Variants in RPN2 observed in about 807,000 individuals in gnomAD.
RPN2 encodes ribophorin II.
A neutral mutation model predicts 71.4 loss-of-function variants in RPN2; 29 were observed. The ratio of observed to expected loss-of-function variants is 0.41; its 90% CI spans 0.30 to 0.55. The LOEUF is 0.55. Ranked by LOEUF, RPN2 falls within the 20% of genes least tolerant of loss-of-function variation. The probability of loss-of-function intolerance (pLI) is 0.35; values close to 1 mark genes in which losing one functional copy is unlikely to be tolerated. For missense variants in RPN2, 726 were observed against 774.1 expected, an observed-to-expected ratio of 0.94 and a Z score of 0.74; for synonymous variants, 308 against 305.0, an observed-to-expected ratio of 1.01 and a Z score of -0.10.
chr20:37,204,793 C>G lies in RPN2; in HGVS notation c.582C>G (p.Leu194=), dbSNP rs368565035. ...ACCTTGTTGCTCGCCTGGATGAACT[C>G]GGGGGCGTGTATCTCCAGTTTGAAG... ...IEDLVARLDE[L]GGVYLQFEEG... The change falls in exon 6 of 17, where the codon CTC becomes CTG. Residue 194 remains leucine, a synonymous_variant. Transcript: ENST00000237530. 6.2e-7 allele frequency: 1 copy of G among 1,614,068 alleles called. No individual in the cohort carries two copies. The highest frequency in any genetic ancestry group is 8.5e-7 in the Non-Finnish European group (1 of 1,180,012).
intron 16 of RPN2, chr20:37,238,320 T>G: frequency 9.5e-7 from 1 of 1,049,226 alleles, no homozygotes; most frequent in Non-Finnish European, 1.5e-6. Flanking sequence ...AAGCTCTGGT[T>G]GGGTGTTTGT....
At chr20:37,190,820 A>C (rs1048939609) in intron 2 of RPN2, among the ~76,000 whole-genome samples, 5 of 152,042 alleles carry the variant, frequency 3.3e-5, no homozygotes, top group African/African-American at 1.2e-4. Context: ...TGTGTTGATT[A>C]GGTGGTGTGT....
At chr20:37,212,877 A>G (rs1002517399) in intron 8 of RPN2, among the ~76,000 whole-genome samples, 12 of 152,218 alleles carry the variant, frequency 7.9e-5, no homozygotes, top group African/African-American at 2.7e-4. Flanking sequence ...AAGGATACAT[A>G]GGCAATATGT....
chr20:37,190,382 G>A (rs943709018), intron 2 of RPN2, among the ~76,000 whole-genome samples: 2 of 152,278 alleles, frequency 1.3e-5, no homozygotes, highest in Non-Finnish European at 2.9e-5. Context: ...CAATACAGAC[G>A]CTGAAGTCAG....
chr20:37,215,740 G>T (rs1048748711), intron 9 of RPN2, among the ~76,000 whole-genome samples: 1 of 151,832 alleles, frequency 6.6e-6, no homozygotes, highest in Admixed American at 6.6e-5. Context: ...CTCCATATTC[G>T]TACCAATATT....
intron 16 of RPN2, among the ~76,000 whole-genome samples, chr20:37,238,198 C>G (rs935258247): frequency 1.3e-5 from 2 of 152,174 alleles, no homozygotes; most frequent in East Asian, 3.9e-4. Context: ...AGTAACTCCT[C>G]CCTCTCCCCT....
At chr20:37,218,505 C>T (rs553849159) in intron 9 of RPN2, among the ~76,000 whole-genome samples, 11 of 151,098 alleles carry the variant, frequency 7.3e-5, no homozygotes, top group East Asian at 3.9e-4. Flanking sequence ...ATCAGGAGTT[C>T]GAGACCAGCC....
rs1485907930 is a variant in RPN2, at chr20:37,179,334, T to A, written c.-23T>A. On this transcript the variant is annotated 5_prime_UTR_variant, in exon 1 of 17. Coordinates refer to ENST00000237530, the MANE Select transcript of RPN2 (RefSeq NM_002951.5). The stretch of plus-strand genomic sequence containing the variant: ...GCGGAAGTCAGCCCGCGGCTCGGAC[T>A]CCGGCGGGACCTGCTCGGAGGAATG... The A allele has an allele frequency of 6.9e-7, 1 of 1,449,278 alleles. No homozygotes were observed. The highest frequency in any genetic ancestry group is 9.1e-7 in the Non-Finnish European group (1 of 1,099,714). 89.8% of individuals were successfully genotyped at this position (1,449,278 alleles called of 1,614,324 possible).
intron 4 of RPN2, among the ~76,000 whole-genome samples, chr20:37,201,451 TA>T (rs2146574446): frequency 6.6e-6 from 1 of 152,168 alleles, no homozygotes; most frequent in East Asian, 1.9e-4. Flanking sequence ...CACCCAGCCA[TA>T]AGCTTTACTT....
intron 2 of RPN2, among the ~76,000 whole-genome samples, chr20:37,188,509 C>T (rs1039490909): frequency 6.6e-6 from 1 of 151,978 alleles, no homozygotes; most frequent in Non-Finnish European, 1.5e-5. Flanking sequence ...GTCTGTTGTT[C>T]AGTGTCTCAA....
Position 37,222,215 on chromosome 20 carries a change from G to A in RPN2, c.1093-1663G>A, listed in dbSNP as rs2067975528. 2.6e-5 allele frequency among the ~76,000 whole-genome samples: 4 copies of A among 152,256 alleles called. No homozygotes were observed. The South Asian group carries it at 8.3e-4, about 32-fold the overall frequency. ...GTGAGGCTCCTAGCTCCCTTCTTGG[G>A]GGTGTCTATTCAACCTGATGGGCCA... On this transcript the variant is annotated intron_variant, in intron 9 of 16. Coordinates refer to ENST00000237530, the MANE Select transcript of RPN2 (RefSeq NM_002951.5).
intron 2 of RPN2, among the ~76,000 whole-genome samples, chr20:37,186,238 T>C (rs1185113324): frequency 1.3e-5 from 2 of 152,242 alleles, no homozygotes; most frequent in Non-Finnish European, 2.9e-5. Context: ...GCTTTAATTA[T>C]ACCTGCAAAA....
intron 16 of RPN2, among the ~76,000 whole-genome samples, chr20:37,239,363 A>G (rs1478769163): frequency 6.6e-6 from 1 of 152,210 alleles, no homozygotes; most frequent in African/African-American, 2.4e-5. Flanking sequence ...CCCTAGACCA[A>G]CAAAGGGAGG....
chr20:37,199,666 G>C (rs1453450783), intron 4 of RPN2, among the ~76,000 whole-genome samples: 2 of 152,150 alleles, frequency 1.3e-5, no homozygotes, highest in African/African-American at 2.4e-5. Context: ...GACAGCATCT[G>C]GTGGGTGAGG....
At chr20:37,220,608 T>C (rs534930206) in intron 9 of RPN2, among the ~76,000 whole-genome samples, 1 of 152,340 alleles carries the variant, frequency 6.6e-6, no homozygotes, top group Admixed American at 6.5e-5. Context: ...TGATCCAGTG[T>C]AAAGCAGGCT....
chr20:37,215,477 A>G (rs915522899), intron 9 of RPN2, among the ~76,000 whole-genome samples: 1 of 152,204 alleles, frequency 6.6e-6, no homozygotes, highest in African/African-American at 2.4e-5. Context: ...TTAGTTTCCT[A>G]TGTTAAGAGG....
intron 5 of RPN2, among the ~76,000 whole-genome samples, chr20:37,204,312 T>TG (rs2067462857): frequency 6.6e-6 from 1 of 152,212 alleles, no homozygotes; most frequent in Non-Finnish European, 1.5e-5. Context: ...TGCCTAGTCA[T>TG]GTTGCCTAGG....
chr20:37,215,761 A>G (rs2067791084), intron 9 of RPN2, among the ~76,000 whole-genome samples: 1 of 152,128 alleles, frequency 6.6e-6, no homozygotes, highest in Admixed American at 6.5e-5. Context: ...TGGTATTTTT[A>G]GGTTTTAGTA....
intron 2 of RPN2, among the ~76,000 whole-genome samples, chr20:37,187,650 AT>A (rs1470496900): frequency 1.4e-4 from 21 of 146,728 alleles, no homozygotes; most frequent in African/African-American, 5.3e-4. Context: ...GTTTTATTTT[AT>A]TTTTTTGAGA....
Sources: gnomAD v4.1 joint callset for allele counts (sites outside exome capture counted in the v4.1 genomes callset) on GRCh38, gnomAD v4.1.1 for gene constraint, MANE v1.5 for transcripts, NCBI Gene and HGNC (gene_info 2026-07-23, HGNC 2026-07-21) for gene names.